NLRP3: variants seen among roughly 807,000 people sequenced by gnomAD.
NLRP3 encodes NACHT, LRR and PYD domains-containing protein 3.
NLRP3 carries 48 observed loss-of-function variants against 91.3 expected under a neutral mutation model. The observed-to-expected ratio is 0.53, with a 90% confidence interval of 0.42 to 0.67. The LOEUF is 0.67. NLRP3 is among the 30% of genes least tolerant of loss of function. NLRP3 has a pLI of 0.00. For synonymous variants in NLRP3, 561 were observed against 507.9 expected (o/e 1.10, Z -1.41); for missense variants, 982 against 1,276.9 (o/e 0.77, Z 3.52).
In NLRP3 at chr1:247,429,766, G is replaced by A. The variant is rs371752834; in HGVS notation, c.2321+11G>A. ...CATTCGGAGATTGTGGTGAGTCCCC[G>A]TGCATGTGATCTGTGTGAGTGCAAG... On this transcript the variant is annotated intron_variant, in intron 5 of 9. Transcript: ENST00000336119. 45 of 1,613,066 alleles carry A rather than the reference G, an allele frequency of 2.8e-5. No individual in the cohort carries two copies. The highest frequency in any genetic ancestry group is 3.3e-5 in the South Asian group (3 of 91,020).
At position 247,425,103 on chromosome 1, in the gene NLRP3, C is replaced by G. The variant is rs774090228; in HGVS notation, c.1654C>G (p.Pro552Ala). ...TNVPGSRLKL[P>A]SRDVTVLLEN... Reference sequence around the variant, plus strand: ...CGTTCCAGGGAGTCGTTTGAAGCTTCCCAGCCGAGACGTGACAGTCCTTCT... The same window carrying G: ...CGTTCCAGGGAGTCGTTTGAAGCTTGCCAGCCGAGACGTGACAGTCCTTCT... The change falls in exon 4 of 10, where the codon CCC becomes GCC. Residue 552 changes from proline (P) to alanine (A), a missense_variant. Pro to Ala is a conservative substitution (Grantham distance 27). This residue lies in a region of NLRP3 where 548 missense variants were observed against 713.7 expected (regional missense o/e 0.77). Transcript: ENST00000336119. The surrounding 1 kb of genome is among the most constrained non-coding windows in gnomAD (Gnocchi z 4.1). 4.3e-6 allele frequency: 7 copies of G among 1,613,244 alleles called. No individual in the cohort carries two copies. In the South Asian group the frequency reaches 7.7e-5, roughly 18 times the overall value.
At chr1:247,448,130 C>T (rs1383244645) in intron 9 of NLRP3, among the ~76,000 whole-genome samples, 1 of 151,794 alleles carries the variant, frequency 6.6e-6, no homozygotes, top group African/African-American at 2.4e-5. Flanking sequence ...TCTGAGGCTC[C>T]CAGTGACGAA....
chr1:247,434,326 A>G (rs1663627518), intron 6 of NLRP3, 53 bp downstream of exon 6: 3 of 1,603,800 alleles, frequency 1.9e-6, no homozygotes, highest in Middle Eastern at 1.6e-4. Flanking sequence ...CGTGCTGCGC[A>G]CTCTGGCTTC....
chr1:247,425,450 C>T lies in NLRP3; in HGVS notation c.2001C>T (p.Cys667=). The part of the protein sequence containing the change: ...TRMDHMVSSF[C]IENCHRVESL... ...TGGACCACATGGTTTCTTCCTTTTGCATTGAGAACTGTCATCGGGTGGAGT... is the reference window on the plus strand; with the variant it reads ...TGGACCACATGGTTTCTTCCTTTTGTATTGAGAACTGTCATCGGGTGGAGT... The change falls in exon 4 of 10, where the codon TGC becomes TGT. Residue 667 remains cysteine, a synonymous_variant. Transcript: ENST00000336119. The surrounding 1 kb of genome is among the most constrained non-coding windows in gnomAD (Gnocchi z 4.1). 6.2e-7 allele frequency: 1 copy of T among 1,614,184 alleles called. No individual in the cohort carries two copies. Among genetic ancestry groups the T allele is most frequent in the Non-Finnish European group, 8.5e-7 (1 of 1,180,036 alleles).
At chr1:247,439,525 C>T (rs1368530018) in intron 7 of NLRP3, among the ~76,000 whole-genome samples, 1 of 152,162 alleles carries the variant, frequency 6.6e-6, no homozygotes, top group Non-Finnish European at 1.5e-5. Context: ...CTCCATGTCC[C>T]AAGTTTCCCT....
chr1:247,429,356 G>A (rs575211220), intron 4 of NLRP3, among the ~76,000 whole-genome samples: 2 of 152,082 alleles, frequency 1.3e-5, no homozygotes, highest in Non-Finnish European at 2.9e-5. Flanking sequence ...GCCACAGTCC[G>A]CCACAGTCAC....
At position 247,448,671 on chromosome 1, in the gene NLRP3, T is replaced by C. The variant is rs1387404096; in HGVS notation, c.*167T>C. Reference sequence around the variant, plus strand: ...CGACGATGCCTTCCTGTGCAGAGCTTGGGCATCTCCTTTACGCCAGGGTGA... The same window carrying C: ...CGACGATGCCTTCCTGTGCAGAGCTCGGGCATCTCCTTTACGCCAGGGTGA... On this transcript the variant is annotated 3_prime_UTR_variant, in exon 10 of 10. Transcript: ENST00000336119. The C allele has an allele frequency of 4.4e-6, 3 of 676,254 alleles. No individual in the cohort carries two copies. The highest frequency in any genetic ancestry group is 3.8e-5 in the African/African-American group (2 of 52,610). 41.9% of individuals were successfully genotyped at this position (676,254 alleles called of 1,614,324 possible).
chr1:247,423,114 T>C (rs942854001), intron 2 of NLRP3, 116 bp from the exon 3 acceptor site: 2 of 1,425,886 alleles, frequency 1.4e-6, no homozygotes, highest in South Asian at 1.2e-5. Flanking sequence ...CAGAGCCATG[T>C]TTTGATTTGG....
chr1:247,445,607 AC>A (rs1664536084), intron 9 of NLRP3, among the ~76,000 whole-genome samples: 1 of 152,162 alleles, frequency 6.6e-6, no homozygotes, highest in South Asian at 2.1e-4. Flanking sequence ...CCTCTGTGAT[AC>A]TACTGAGGTA....
chr1:247,435,127 C>T (rs923491557), intron 6 of NLRP3, among the ~76,000 whole-genome samples: 2 of 152,062 alleles, frequency 1.3e-5, no homozygotes, highest in African/African-American at 4.8e-5. Context: ...TGGTGCATGC[C>T]TGTAATCCCA....
At chr1:247,423,392 G>T in intron 3 of NLRP3, 43 bp downstream of exon 3, 2 of 1,612,286 alleles carry the variant, frequency 1.2e-6, no homozygotes, top group Non-Finnish European at 8.5e-7. Context: ...TTTAAGACCT[G>T]GTTCAGGAGG....
intron 7 of NLRP3, among the ~76,000 whole-genome samples, chr1:247,439,214 G>A (rs115909551): frequency 1.3e-5 from 2 of 152,164 alleles, no homozygotes; most frequent in Admixed American, 6.5e-5. Flanking sequence ...GTAATACATT[G>A]TTATGTAGTA....
chr1:247,443,753 C>T (rs1234446871), intron 7 of NLRP3, among the ~76,000 whole-genome samples: 3 of 152,154 alleles, frequency 2.0e-5, no homozygotes, highest in African/African-American at 7.2e-5. Flanking sequence ...TTCTGTCGGA[C>T]TCATACAGCA....
chr1:247,425,623 G>A lies in NLRP3; in HGVS notation c.2150+24G>A, dbSNP rs1325250400. The A allele has an allele frequency of 1.3e-6, 2 of 1,595,124 alleles. No individual in the cohort carries two copies. Among genetic ancestry groups the A allele is most frequent in the African/African-American group, 2.7e-5 (2 of 74,748 alleles). ...GGGTAAGGAAACTCGGCTTCCAGGT[G>A]CTTCCTCCTGCTTCCTCGCCAGCTT... is the stretch of plus-strand genomic sequence containing the variant. On this transcript the variant is annotated intron_variant, in intron 4 of 9. Coordinates refer to ENST00000336119, the MANE Select transcript of NLRP3 (RefSeq NM_001243133.2). This position sits in a 1 kb window ranked among gnomAD's most constrained non-coding sequence, Gnocchi z 4.1.
At chr1:247,416,898 C>T (rs1662105693) in intron 1 of NLRP3, among the ~76,000 whole-genome samples, 1 of 152,164 alleles carries the variant, frequency 6.6e-6, no homozygotes, top group Admixed American at 6.5e-5. Flanking sequence ...GGCTCTCTGC[C>T]TCCCTTGAGT....
intron 6 of NLRP3, among the ~76,000 whole-genome samples, chr1:247,435,485 G>T (rs1248812622): frequency 6.6e-6 from 1 of 152,194 alleles, no homozygotes; most frequent in Non-Finnish European, 1.5e-5. Context: ...CAAATACTCT[G>T]ATTGTCCTTA....
rs1467336862 is a variant in NLRP3 at position 247,418,939 on chromosome 1, G to T, written c.139G>T (p.Ala47Ser). 8.1e-6 allele frequency: 13 copies of T among 1,614,018 alleles called. No individual in the cohort carries two copies. In the South Asian group the frequency reaches 1.4e-4, roughly 18 times the overall value. Residue 47 changes from alanine to serine, a missense_variant, in exon 2 of 10, where the codon GCA becomes TCA. Ala to Ser is a moderately conservative substitution (Grantham distance 99). Coordinates refer to ENST00000336119, the MANE Select transcript of NLRP3 (RefSeq NM_001243133.2). Reference sequence around the variant, plus strand: ...CCTCCCGAGGGGTCAGACAGAGAAGGCAGACCATGTGGATCTAGCCACGCT... The same window carrying T: ...CCTCCCGAGGGGTCAGACAGAGAAGTCAGACCATGTGGATCTAGCCACGCT... Reference protein sequence around the residue: ...IPLPRGQTEKADHVDLATLMI... With the variant: ...IPLPRGQTEKSDHVDLATLMI...
At chr1:247,431,106 C>T (rs1200154711) in intron 5 of NLRP3, among the ~76,000 whole-genome samples, 2 of 152,078 alleles carry the variant, frequency 1.3e-5, no homozygotes, top group Non-Finnish European at 2.9e-5. Flanking sequence ...ACTGTGTGTA[C>T]CCGGGAGGCG....
Position 247,419,229 on chromosome 1 carries a change from A to G in NLRP3, c.277+152A>G, listed in dbSNP as rs542396045. 155 of 421,334 alleles carry G rather than the reference A, an allele frequency of 3.7e-4. 4 individuals are homozygous for G. The South Asian group carries it at 8.0e-3, about 22-fold the overall frequency. The allele number at this position is 421,334 out of a possible 1,614,324, so 26.1% of individuals were successfully genotyped here. A position where few individuals can be genotyped will look rare whatever the true frequency, so the allele number is the denominator to read the frequency against. On this transcript the variant is annotated intron_variant, in intron 2 of 9. Coordinates refer to ENST00000336119, the MANE Select transcript of NLRP3 (RefSeq NM_001243133.2). ...GAGTGCAATGGTGAGATCTTGGCTC[A>G]CTGCAACCTCCACCTCCCGGGTTCA... is the stretch of plus-strand genomic sequence containing the variant.
Sources: gnomAD v4.1 joint callset for allele counts (sites outside exome capture counted in the v4.1 genomes callset) on GRCh38, gnomAD v4.1.1 for gene constraint, gnomAD v4.1.1 regional missense constraint, Gnocchi (gnomAD v3.1) non-coding constraint, MANE v1.5 for transcripts, NCBI Gene and HGNC (gene_info 2026-07-23, HGNC 2026-07-21) for gene names.